TRPC3: variants seen among roughly 807,000 people sequenced by gnomAD.
TRPC3 encodes the protein transient receptor potential cation channel subfamily C member 3.
A neutral mutation model predicts 90.9 loss-of-function variants in TRPC3; 54 were observed. The observed-to-expected ratio is 0.59, with a 90% CI of 0.48 to 0.75. The LOEUF (loss-of-function observed/expected upper bound fraction) is 0.75. TRPC3 is among the 30% of genes least tolerant of loss of function. The pLI is 0.00. For missense variants in TRPC3, 918 were observed against 1,194.5 expected (o/e 0.77, Z 3.41); for synonymous variants, 424 against 450.9 (o/e 0.94, Z 0.75).
chr4:121,927,786 T>G (rs754294728), intron 2 of TRPC3, among the ~76,000 whole-genome samples: 25 of 152,308 alleles, frequency 1.6e-4, no homozygotes, highest in Non-Finnish European at 2.8e-4. Context: ...TGAATAAAAC[T>G]TCAATCTTTA....
intron 1 of TRPC3, among the ~76,000 whole-genome samples, chr4:121,942,214 T>A (rs1027187812): frequency 1.3e-5 from 2 of 152,178 alleles, no homozygotes; most frequent in African/African-American, 2.4e-5. Flanking sequence ...AGTAATGAAT[T>A]CCCTGATAGT....
intron 10 of TRPC3, among the ~76,000 whole-genome samples, chr4:121,892,325 T>C (rs1050662046): frequency 1.1e-4 from 17 of 152,220 alleles, no homozygotes; most frequent in African/African-American, 3.1e-4. Flanking sequence ...ATTAGGACTT[T>C]ATTTTCCAGG....
At chr4:121,891,472 G>T (rs138989213) in intron 10 of TRPC3, among the ~76,000 whole-genome samples, 4 of 152,166 alleles carry the variant, frequency 2.6e-5, no homozygotes, top group Non-Finnish European at 5.9e-5. Flanking sequence ...GTCCTGACAA[G>T]GTAGTGAAGT....
intron 2 of TRPC3, among the ~76,000 whole-genome samples, chr4:121,926,697 G>A (rs775966188): frequency 1.4e-4 from 21 of 152,208 alleles, no homozygotes; most frequent in Non-Finnish European, 1.9e-4. Flanking sequence ...ATGAGTCACC[G>A]CACCCGGCCT....
intron 11 of TRPC3, 58 bp from the exon 12 acceptor site, chr4:121,879,936 C>T (rs571427056): frequency 6.9e-7 from 1 of 1,451,048 alleles, no homozygotes; most frequent in Non-Finnish European, 9.1e-7. Context: ...TAGAAATGAA[C>T]AAAGAGTGAA....
chr4:121,899,502 T>C, intron 10 of TRPC3, 110 bp downstream of exon 10: 1 of 837,496 alleles, frequency 1.2e-6, no homozygotes. Context: ...CCTCATGGTA[T>C]AATGGTATAT....
chr4:121,940,289 T>C (rs1730263236), intron 1 of TRPC3, among the ~76,000 whole-genome samples: 1 of 152,256 alleles, frequency 6.6e-6, no homozygotes, highest in African/African-American at 2.4e-5. Flanking sequence ...TTGATTGCAC[T>C]ATTCACTTGT....
chr4:121,951,590 C>T lies in TRPC3; in HGVS notation c.91G>A (p.Ala31Thr). The T allele has an allele frequency of 6.9e-7, 1 of 1,451,554 alleles. No homozygotes were observed. The highest frequency in any genetic ancestry group is 9.1e-7 in the Non-Finnish European group (1 of 1,097,352). The allele number at this position is 1,451,554 out of a possible 1,614,324, so 89.9% of individuals were successfully genotyped here. The change falls in exon 1 of 12, where the codon GCG (alanine) becomes ACG (threonine). Residue 31 changes from alanine to threonine, a missense_variant. Ala to Thr is a moderately conservative substitution (Grantham distance 58). Transcript: ENST00000379645. The surrounding 1 kb of genome is among the most constrained non-coding windows in gnomAD (Gnocchi z 4.4). The part of the protein sequence containing the change: ...EEEDEGEDEG[A>T]EPQRRRRGWR... ...CCCCGGCGGCGGCGCTGCGGCTCCGCGCCCTCGTCCTCGCCCTCGTCTTCC... is the reference window on the plus strand; with the variant it reads ...CCCCGGCGGCGGCGCTGCGGCTCCGTGCCCTCGTCCTCGCCCTCGTCTTCC...
At chr4:121,921,923 T>TTG (rs1553940914) in intron 3 of TRPC3, among the ~76,000 whole-genome samples, 47 of 123,672 alleles carry the variant, frequency 3.8e-4, no homozygotes, top group Middle Eastern at 8.2e-3. Context: ...TTTTTTGTTT[T>TTG]TTTTTTTTTT....
intron 4 of TRPC3, among the ~76,000 whole-genome samples, chr4:121,912,332 T>G (rs923243229): frequency 1.3e-5 from 2 of 152,220 alleles, no homozygotes; most frequent in African/African-American, 4.8e-5. Context: ...TAGGGTAGAC[T>G]GCATTCACAG....
In TRPC3 at chr4:121,875,659, CTTATG is replaced by C. The variant is rs141746633; in HGVS notation, c.*4072_*4076del. 0.082 allele frequency among the ~76,000 whole-genome samples: 12,377 copies of C among 151,782 alleles called. 645 individuals are homozygous for C. Among genetic ancestry groups the C allele is most frequent in the Non-Finnish European group, 0.12 (8,407 of 67,876 alleles). ...ACCATGCACCTCAGTAATTTATAAC[CTTATG>C]TTATGGTGCTAAAGCAACCATTATG... On this transcript the variant is annotated 3_prime_UTR_variant, in exon 12 of 12. Coordinates refer to ENST00000379645, the MANE Select transcript of TRPC3 (RefSeq NM_001130698.2).
intron 10 of TRPC3, 26 bp from the exon 11 acceptor site, chr4:121,882,455 A>C (rs1369033946): frequency 6.3e-7 from 1 of 1,599,828 alleles, no homozygotes; most frequent in Non-Finnish European, 8.5e-7. Context: ...AAATGATTAG[A>C]TCTCCAATGA....
chr4:121,950,382 TC>T (rs1318515842), intron 1 of TRPC3, among the ~76,000 whole-genome samples: 7 of 152,168 alleles, frequency 4.6e-5, no homozygotes, highest in African/African-American at 1.7e-4. Flanking sequence ...TCGGTCCCCA[TC>T]CTGGAGAACC....
chr4:121,924,989 T>C lies in TRPC3; in HGVS notation c.1176+29A>G, dbSNP rs201927550. The C allele has an allele frequency of 2.5e-5, 40 of 1,586,010 alleles. 1 individual carries two copies. The highest frequency in any genetic ancestry group is 5.8e-5 in the South Asian group (5 of 86,092). On this transcript the variant is annotated intron_variant, in intron 3 of 11. Coordinates refer to ENST00000379645, the MANE Select transcript of TRPC3 (RefSeq NM_001130698.2). Reference sequence around the variant, plus strand: ...TTTGTATCACATGTTTATTCTAATATGGCACTAGATGAAAGTAGGCCCACT... The same window carrying C: ...TTTGTATCACATGTTTATTCTAATACGGCACTAGATGAAAGTAGGCCCACT...
At position 121,874,483 on chromosome 4, in the gene TRPC3, CT is replaced by C. The variant is rs2081569378; in HGVS notation, c.*5252del. Among the ~76,000 whole-genome samples, 1 of 152,112 alleles carries C rather than the reference CT, an allele frequency of 6.6e-6. No individual in the cohort carries two copies. On this transcript the variant is annotated 3_prime_UTR_variant, in exon 12 of 12. Coordinates refer to ENST00000379645, the MANE Select transcript of TRPC3 (RefSeq NM_001130698.2). Reference sequence around the variant, plus strand: ...TAGCAAAGTAGTACACACTGGGAGGCTTTTCAACAACAGAAATTTATTTTCT... The same window carrying C: ...TAGCAAAGTAGTACACACTGGGAGGCTTTCAACAACAGAAATTTATTTTCT...
intron 7 of TRPC3, among the ~76,000 whole-genome samples, chr4:121,906,287 AC>A (rs1315010847): frequency 6.6e-6 from 1 of 152,140 alleles, no homozygotes; most frequent in East Asian, 1.9e-4. Context: ...TGTCCTTTCT[AC>A]TACATTGAAT....
chr4:121,881,337 C>T (rs1320511832), intron 11 of TRPC3, among the ~76,000 whole-genome samples: 3 of 152,044 alleles, frequency 2.0e-5, no homozygotes, highest in Non-Finnish European at 4.4e-5. Flanking sequence ...TTGGGAAATG[C>T]TTCTTGTTTT....
At position 121,907,488 on chromosome 4, in the gene TRPC3, A is replaced by G. The variant is rs1236694766; in HGVS notation, c.1872T>C (p.Ser624=). 1 of 1,613,422 alleles carries G rather than the reference A, an allele frequency of 6.2e-7. No individual in the cohort carries two copies. Residue 624 remains serine, a synonymous_variant, in exon 7 of 12, where the codon TCT becomes TCC. Transcript: ENST00000379645. ...TTGCAGGGAGGATGTACGCAATCCG[A>G]GAGAAGCTGAGCACAACAGCTATGG... The part of the protein sequence containing the change: ...LYAIAVVLSF[S]RIAYILPANE...
At chr4:121,913,671 A>G (rs1291268315) in intron 4 of TRPC3, among the ~76,000 whole-genome samples, 2 of 138,830 alleles carry the variant, frequency 1.4e-5, no homozygotes, top group Admixed American at 7.3e-5. Flanking sequence ...ATGCTCTCTC[A>G]TATTATTTAT....
Sources: gnomAD v4.1 joint callset for allele counts (sites outside exome capture counted in the v4.1 genomes callset) on GRCh38, gnomAD v4.1.1 for gene constraint, Gnocchi (gnomAD v3.1) non-coding constraint, MANE v1.5 for transcripts, NCBI Gene and HGNC (gene_info 2026-07-23, HGNC 2026-07-21) for gene names.